The following PTPRE variants were observed in gnomAD, a reference collection of about 807,000 sequenced individuals.
PTPRE encodes the protein receptor-type tyrosine-protein phosphatase epsilon.
A neutral mutation model predicts 102.0 loss-of-function variants in PTPRE; 51 were observed. The observed-to-expected ratio is 0.50, with a 90% CI of 0.40 to 0.63. The LOEUF (loss-of-function observed/expected upper bound fraction) is 0.63, where lower values mean the gene tolerates loss of function less well. PTPRE is among the 30% of genes least tolerant of loss of function. The probability of loss-of-function intolerance (pLI) is 0.00; values close to 1 mark genes in which losing one functional copy is unlikely to be tolerated. For synonymous variants in PTPRE, 345 were observed against 348.2 expected (o/e 0.99, Z 0.10); for missense variants, 752 against 915.1 (o/e 0.82, Z 2.30).
chr10:127,921,578 C>T (rs554728006), intron 1 of PTPRE, among the ~76,000 whole-genome samples: 13 of 152,160 alleles, frequency 8.5e-5, no homozygotes, highest in Middle Eastern at 3.4e-3. Context: ...GGGATGTGGA[C>T]GTCTATAGGG....
chr10:128,070,073 C>T lies in PTPRE; in HGVS notation c.1144-228C>T. On this transcript the variant is annotated intron_variant, in intron 13 of 20. Coordinates refer to ENST00000254667, the MANE Select transcript of PTPRE (RefSeq NM_006504.6). The surrounding 1 kb of genome is among the most constrained non-coding windows in gnomAD (Gnocchi z 4.8). ...TACTCCCCCAAACGGTGCATGTACA[C>T]AGTGCGTGGCGTGCTCACCAATGTG... is the stretch of plus-strand genomic sequence containing the variant. The T allele has an allele frequency of 1.5e-6, 1 of 686,930 alleles. No homozygotes were observed. Among genetic ancestry groups the T allele is most frequent in the South Asian group, 1.9e-5 (1 of 52,248 alleles). The allele number at this position is 686,930 out of a possible 1,614,324, so 42.6% of individuals were successfully genotyped here.
In PTPRE at chr10:128,008,072, C is replaced by T. The variant is rs1844649910; in HGVS notation, c.-8+25776C>T. 6.6e-6 allele frequency among the ~76,000 whole-genome samples: 1 copy of T among 152,182 alleles called. No homozygotes were observed. The highest frequency in any genetic ancestry group is 6.5e-5 in the Admixed American group (1 of 15,284). On this transcript the variant is annotated intron_variant, in intron 2 of 20. Coordinates refer to ENST00000254667, the MANE Select transcript of PTPRE (RefSeq NM_006504.6). This position sits in a 1 kb window ranked among gnomAD's most constrained non-coding sequence, Gnocchi z 4.0. ...TCAGCTTCCTCCAGGAAGAAGGCAT[C>T]TCTCACCACTGGGGAGGCACAGGAG...
chr10:128,021,187 G>C (rs189645064), intron 2 of PTPRE, among the ~76,000 whole-genome samples: 1 of 152,138 alleles, frequency 6.6e-6, no homozygotes, highest in Non-Finnish European at 1.5e-5. Context: ...GAGCCACCGC[G>C]CCCGGCCGAG....
At chr10:127,923,502 C>G (rs1846767211) in intron 1 of PTPRE, among the ~76,000 whole-genome samples, 1 of 146,054 alleles carries the variant, frequency 6.8e-6, no homozygotes, top group African/African-American at 2.6e-5. Flanking sequence ...CTCCCAGGTT[C>G]AAGTGATTCT....
At chr10:127,918,558 C>CA (rs35535006) in intron 1 of PTPRE, among the ~76,000 whole-genome samples, 1,061 of 94,916 alleles carry the variant, frequency 0.011, 3 homozygotes, top group Middle Eastern at 0.019. Flanking sequence ...GACTCCATCT[C>CA]AAAAAAAAAA....
chr10:128,057,166 G>A (rs535726550), intron 7 of PTPRE, among the ~76,000 whole-genome samples: 7 of 151,878 alleles, frequency 4.6e-5, no homozygotes, highest in Admixed American at 6.6e-5. Context: ...GCCATGAGCC[G>A]AGATCGCGCC....
At chr10:127,943,420 C>T (rs1323641287) in intron 1 of PTPRE, among the ~76,000 whole-genome samples, 1 of 152,146 alleles carries the variant, frequency 6.6e-6, no homozygotes, top group African/African-American at 2.4e-5. Context: ...CACTGGGGCT[C>T]CATGAGTTCC....
intron 2 of PTPRE, among the ~76,000 whole-genome samples, chr10:128,009,894 G>A (rs1844838251): frequency 6.6e-6 from 1 of 152,160 alleles, no homozygotes; most frequent in Non-Finnish European, 1.5e-5. Flanking sequence ...CAGGAGTCAG[G>A]GGGACATATG....
intron 2 of PTPRE, among the ~76,000 whole-genome samples, chr10:128,017,649 C>T (rs1845541257): frequency 6.6e-6 from 1 of 152,140 alleles, no homozygotes; most frequent in Non-Finnish European, 1.5e-5. Flanking sequence ...CACTCTCAGC[C>T]TCGGTGGCCA....
intron 1 of PTPRE, among the ~76,000 whole-genome samples, chr10:127,979,932 A>G (rs530721415): frequency 6.6e-6 from 1 of 152,290 alleles, no homozygotes; most frequent in Admixed American, 6.5e-5. Flanking sequence ...ATTTCTATCA[A>G]TCCTCTTGAG....
At chr10:128,067,249 T>G (rs61273341) in intron 11 of PTPRE, among the ~76,000 whole-genome samples, 1 of 86,126 alleles carries the variant, frequency 1.2e-5, no homozygotes, top group Non-Finnish European at 2.3e-5. Context: ...CGCACACACA[T>G]TCATGCACAT....
intron 15 of PTPRE, 54 bp from the exon 16 acceptor site, chr10:128,072,084 G>T (rs905075375): frequency 3.3e-6 from 5 of 1,509,144 alleles, no homozygotes; most frequent in East Asian, 2.3e-5. Flanking sequence ...ATGGATTAAA[G>T]TTAGCAAGGT....
chr10:128,020,611 T>C (rs1399760637), intron 2 of PTPRE, among the ~76,000 whole-genome samples: 2 of 152,198 alleles, frequency 1.3e-5, no homozygotes, highest in African/African-American at 4.8e-5. Flanking sequence ...ATTAAGGAAA[T>C]GGCCGGTAGC....
intron 2 of PTPRE, among the ~76,000 whole-genome samples, chr10:128,029,819 G>A (rs1203693490): frequency 2.0e-5 from 3 of 152,202 alleles, no homozygotes; most frequent in Admixed American, 2.0e-4. Context: ...GGGTCTTAGG[G>A]GCCGCCAGCT....
chr10:127,976,494 C>T (rs904331676), intron 1 of PTPRE, among the ~76,000 whole-genome samples: 5 of 152,184 alleles, frequency 3.3e-5, no homozygotes, highest in East Asian at 1.9e-4. Flanking sequence ...CAGGGATGCA[C>T]GTGGATCTGT....
At chr10:128,029,333 A>T (rs1846531483) in intron 2 of PTPRE, among the ~76,000 whole-genome samples, 1 of 152,118 alleles carries the variant, frequency 6.6e-6, no homozygotes, top group Non-Finnish European at 1.5e-5. Context: ...CTGGCTCAGC[A>T]CTATTGTTCT....
intron 1 of PTPRE, among the ~76,000 whole-genome samples, chr10:127,978,680 G>A (rs1851378818): frequency 6.6e-6 from 1 of 152,176 alleles, no homozygotes. Flanking sequence ...CTCGCTCTGT[G>A]ATGCTGGTCC....
chr10:128,049,381 A>G (rs1848363187), intron 5 of PTPRE, 149 bp from the exon 6 acceptor site: 8 of 968,514 alleles, frequency 8.3e-6, no homozygotes, highest in Admixed American at 5.0e-5. Context: ...GCTGCTCGGG[A>G]CCCGGCTTAG....
In PTPRE at chr10:128,063,233, G is replaced by T. The variant is rs56204987; in HGVS notation, c.723+53G>T. 4.7e-4 allele frequency: 759 copies of T among 1,602,010 alleles called. 5 individuals carry two copies. The African/African-American group carries it at 9.2e-3, about 20-fold the overall frequency. On this transcript the variant is annotated intron_variant, in intron 10 of 20. Coordinates refer to ENST00000254667, the MANE Select transcript of PTPRE (RefSeq NM_006504.6). The stretch of plus-strand genomic sequence containing the variant: ...TCACTTCCTTTCAGCTGCTGCTGCC[G>T]GGCTGGGGATGTTCTTACCACTTCC...
Sources: allele counts gnomAD v4.1 joint callset (sites outside exome capture counted in the v4.1 genomes callset), GRCh38; gene constraint gnomAD v4.1.1; non-coding constraint Gnocchi (gnomAD v3.1); transcripts MANE v1.5; gene names NCBI Gene and HGNC (gene_info 2026-07-23, HGNC 2026-07-21).